Variants in HACL1 observed in about 807,000 individuals in gnomAD.
HACL1 encodes 2-hydroxyacyl-CoA lyase 1.
In HACL1, 64 loss-of-function variants were observed where a neutral mutation model predicts 74.2. The observed-to-expected ratio is 0.86, with a 90% CI of 0.70 to 1.06. HACL1 has a LOEUF of 1.06. HACL1 is among the 50% of genes least tolerant of loss of function. HACL1 has a pLI of 0.00. For missense variants in HACL1, 728 were observed against 719.7 expected, an observed-to-expected ratio of 1.01 and a Z score of -0.13; for synonymous variants, 230 against 238.8, an observed-to-expected ratio of 0.96 and a Z score of 0.34.
At chr3:15,568,343 C>T in intron 13 of HACL1, 89 bp downstream of exon 13, 2 of 831,514 alleles carry the variant, frequency 2.4e-6, no homozygotes, top group South Asian at 3.6e-5. Context: ...TGTATTAATT[C>T]TCAAACGTCT....
chr3:15,569,594 G>A (rs1444916821), intron 12 of HACL1, among the ~76,000 whole-genome samples: 1 of 152,060 alleles, frequency 6.6e-6, no homozygotes, highest in South Asian at 2.1e-4. Flanking sequence ...GGCCGAGGTG[G>A]GCAGGTCACC....
chr3:15,574,214 T>C (rs542799675), intron 10 of HACL1, among the ~76,000 whole-genome samples: 1 of 152,166 alleles, frequency 6.6e-6, no homozygotes, highest in Admixed American at 6.5e-5. Flanking sequence ...ACAAAAAAAT[T>C]AAAATTAGCC....
At chr3:15,588,867 A>C (rs1031443857) in intron 5 of HACL1, among the ~76,000 whole-genome samples, 15 of 151,566 alleles carry the variant, frequency 9.9e-5, no homozygotes, top group Admixed American at 5.3e-4. Flanking sequence ...TCTACTGATA[A>C]TCATTTTGAG....
intron 2 of HACL1, among the ~76,000 whole-genome samples, chr3:15,600,065 GTAGA>G (rs1028547909): frequency 2.7e-5 from 4 of 147,762 alleles, no homozygotes; most frequent in East Asian, 1.9e-4. Context: ...CTCAAACCTT[GTAGA>G]TAAAGAATGT....
intron 9 of HACL1, among the ~76,000 whole-genome samples, chr3:15,578,139 T>C (rs1156438612): frequency 7.0e-6 from 1 of 143,312 alleles, no homozygotes; most frequent in Non-Finnish European, 1.5e-5. Flanking sequence ...TAAAGCAATA[T>C]AAAACAATGT....
At chr3:15,601,348 G>A (rs1559569370) in intron 1 of HACL1, 35 bp downstream of exon 1, 1 of 1,613,022 alleles carries the variant, frequency 6.2e-7, no homozygotes, top group Non-Finnish European at 8.5e-7. Context: ...GCCAGCTTCC[G>A]TAGGAGCCTT....
intron 7 of HACL1, among the ~76,000 whole-genome samples, chr3:15,584,969 C>T (rs564343417): frequency 3.3e-5 from 5 of 152,140 alleles, no homozygotes; most frequent in Admixed American, 6.5e-5. Flanking sequence ...ATTACATTAA[C>T]GAGGGATGTA....
At chr3:15,582,084 T>C (rs1283889500) in intron 8 of HACL1, among the ~76,000 whole-genome samples, 1 of 152,208 alleles carries the variant, frequency 6.6e-6, no homozygotes, top group Non-Finnish European at 1.5e-5. Flanking sequence ...TATCAAACTA[T>C]TTTTAGTTTC....
intron 4 of HACL1, 148 bp from the exon 5 acceptor site, chr3:15,589,760 T>G (rs1574937441): frequency 1.6e-6 from 1 of 620,988 alleles, no homozygotes; most frequent in South Asian, 2.2e-5. Flanking sequence ...TAAGGCTGGG[T>G]GAGGTGGCTC....
At chr3:15,579,652 C>T (rs1475086172) in intron 9 of HACL1, among the ~76,000 whole-genome samples, 1 of 152,092 alleles carries the variant, frequency 6.6e-6, no homozygotes, top group East Asian at 1.9e-4. Context: ...CATACTTAAA[C>T]TGCTGAAAAC....
intron 15 of HACL1, among the ~76,000 whole-genome samples, chr3:15,563,811 G>A (rs2063387317): frequency 6.6e-6 from 1 of 152,190 alleles, no homozygotes; most frequent in Non-Finnish European, 1.5e-5. Context: ...ACCTGTTGCT[G>A]TGAGCACTTG....
intron 8 of HACL1, 67 bp downstream of exon 8, chr3:15,582,810 T>C (rs779443741): frequency 6.6e-6 from 5 of 758,358 alleles, no homozygotes; most frequent in Non-Finnish European, 1.2e-5. Context: ...TAATAAACAA[T>C]GAAAGTTTGT....
intron 2 of HACL1, among the ~76,000 whole-genome samples, chr3:15,598,695 C>G (rs1181610758): frequency 1.3e-5 from 2 of 152,198 alleles, no homozygotes; most frequent in East Asian, 3.8e-4. Context: ...ACAATGAAGT[C>G]ACACCCAACT....
chr3:15,568,763 G>A (rs886460157), intron 12 of HACL1, among the ~76,000 whole-genome samples, 177 bp from the exon 13 acceptor site: 1 of 152,160 alleles, frequency 6.6e-6, no homozygotes, highest in Non-Finnish European at 1.5e-5. Context: ...CAGCCCTGGG[G>A]GACATGTGTA....
Position 15,567,866 on chromosome 3 carries a change from T to A in HACL1, c.1387A>T (p.Met463Leu). Residue 463 changes from methionine to leucine, a missense_variant, in exon 14 of 17, where the codon ATG (methionine) becomes TTG (leucine). Transcript: ENST00000321169. ...TACCTGCAGATGGTTTCTACCTCCATGCCAGAAAACCCAAATGCACTGTCT... is the reference window on the plus strand; with the variant it reads ...TACCTGCAGATGGTTTCTACCTCCAAGCCAGAAAACCCAAATGCACTGTCT... ...EGDSAFGFSG[M>L]EVETICRYNL... The A allele has an allele frequency of 1.9e-6, 3 of 1,614,050 alleles. No individual in the cohort carries two copies. Among genetic ancestry groups the A allele is most frequent in the South Asian group, 2.2e-5 (2 of 91,084 alleles).
At chr3:15,593,156 C>T (rs1306811506) in intron 3 of HACL1, among the ~76,000 whole-genome samples, 1 of 148,918 alleles carries the variant, frequency 6.7e-6, no homozygotes, top group Non-Finnish European at 1.5e-5. Flanking sequence ...CACACATACA[C>T]ACATACGTAT....
chr3:15,587,747 G>A (rs1385891913), intron 5 of HACL1, among the ~76,000 whole-genome samples: 1 of 151,964 alleles, frequency 6.6e-6, no homozygotes, highest in Non-Finnish European at 1.5e-5. Context: ...ATAAAACTTC[G>A]ATTCCCTTCT....
Position 15,568,431 on chromosome 3 carries a change from C to A in HACL1, c.1250+1G>T, listed in dbSNP as rs1232571298. 2.4e-5 allele frequency: 38 copies of A among 1,567,628 alleles called. No individual in the cohort carries two copies. The highest frequency in any genetic ancestry group is 3.3e-5 in the Non-Finnish European group (38 of 1,150,206). Reference sequence around the variant, plus strand: ...ACTTCTTTCTTCTTTAGAAGTCTTACCTGTGACGAGGAAGGTAGTTCTGAA... The same window carrying A: ...ACTTCTTTCTTCTTTAGAAGTCTTAACTGTGACGAGGAAGGTAGTTCTGAA... On this transcript the variant is annotated splice_donor_variant, in intron 13 of 16. Coordinates refer to ENST00000321169, the MANE Select transcript of HACL1 (RefSeq NM_012260.4). LOFTEE classifies it high-confidence loss of function.
At chr3:15,561,705 GAC>G (rs1301129881) in intron 16 of HACL1, among the ~76,000 whole-genome samples, 3 of 152,136 alleles carry the variant, frequency 2.0e-5, no homozygotes, top group Non-Finnish European at 4.4e-5. Flanking sequence ...TATTTTGAGA[GAC>G]AGTCTCACTG....
Sources: gnomAD v4.1 joint callset for allele counts (sites outside exome capture counted in the v4.1 genomes callset) on GRCh38, gnomAD v4.1.1 for gene constraint, MANE v1.5 for transcripts, NCBI Gene and HGNC (gene_info 2026-07-23, HGNC 2026-07-21) for gene names.